PLPP1: variants seen among roughly 807,000 people sequenced by gnomAD.
The protein encoded by PLPP1 is phospholipid phosphatase 1.
PLPP1 carries 24 observed loss-of-function variants against 31.2 expected under a neutral mutation model. That is an observed-to-expected ratio of 0.77 (90% CI 0.56 to 1.08). The LOEUF is 1.08. Among genes scored for constraint, PLPP1 ranks in the 50% least tolerant of loss-of-function variants. The pLI, the probability that PLPP1 is intolerant of heterozygous loss-of-function variation, is 0.00. For synonymous variants in PLPP1, 146 were observed against 126.3 expected (o/e 1.16, Z -1.05); for missense variants, 319 against 342.7 (o/e 0.93, Z 0.55).
chr5:55,491,616 G>A (rs1373629741), intron 1 of PLPP1, among the ~76,000 whole-genome samples: 1 of 152,094 alleles, frequency 6.6e-6, no homozygotes, highest in African/African-American at 2.4e-5. Context: ...CCAGCACTTT[G>A]GGAGGCCAAG....
At chr5:55,491,889 A>G (rs1752900071) in intron 1 of PLPP1, among the ~76,000 whole-genome samples, 1 of 140,474 alleles carries the variant, frequency 7.1e-6, no homozygotes, top group Admixed American at 7.5e-5. Flanking sequence ...AAGAAAAGAA[A>G]GAAAAAGAGA....
intron 1 of PLPP1, among the ~76,000 whole-genome samples, chr5:55,493,501 A>C (rs1752940684): frequency 6.6e-6 from 1 of 152,120 alleles, no homozygotes; most frequent in African/African-American, 2.4e-5. Context: ...CCAGTAACTC[A>C]GGAGGCTGAG....
intron 1 of PLPP1, among the ~76,000 whole-genome samples, chr5:55,512,723 T>TACACACACACACATAC (rs1753463247): frequency 2.3e-5 from 1 of 43,130 alleles, no homozygotes; most frequent in East Asian, 5.1e-4. Context: ...CATTATAAAC[T>TACACACACACACATAC]ACACACACAC....
intron 1 of PLPP1, among the ~76,000 whole-genome samples, chr5:55,523,995 T>C (rs910285456): frequency 2.0e-5 from 3 of 152,236 alleles, no homozygotes; most frequent in African/African-American, 7.2e-5. Flanking sequence ...CTGATCTTTT[T>C]TGCACTGGTA....
chr5:55,498,607 A>G (rs1753052549), intron 1 of PLPP1, among the ~76,000 whole-genome samples: 2 of 152,186 alleles, frequency 1.3e-5, no homozygotes, highest in Non-Finnish European at 2.9e-5. Context: ...CATATAAACA[A>G]TAATCTTATG....
At chr5:55,444,032 G>A (rs1446926130) in intron 3 of PLPP1, among the ~76,000 whole-genome samples, 1 of 151,470 alleles carries the variant, frequency 6.6e-6, no homozygotes, top group African/African-American at 2.4e-5. Flanking sequence ...TTCACAAATA[G>A]ACTAAATATC....
chr5:55,474,006 T>TTGTTTTTG (rs1561237130), intron 2 of PLPP1, among the ~76,000 whole-genome samples: 70 of 79,036 alleles, frequency 8.9e-4, no homozygotes, highest in African/African-American at 3.0e-3. Flanking sequence ...TGTTTTTTTT[T>TTGTTTTTG]TTTTTTTCCA....
At chr5:55,521,251 G>T (rs1421562848) in intron 1 of PLPP1, among the ~76,000 whole-genome samples, 1 of 152,078 alleles carries the variant, frequency 6.6e-6, no homozygotes, top group Non-Finnish European at 1.5e-5. Flanking sequence ...TACTCGGGAG[G>T]CTGAGGCAGG....
chr5:55,442,030 T>A (rs1751632573), intron 3 of PLPP1, 122 bp from the exon 4 acceptor site: 5 of 924,816 alleles, frequency 5.4e-6, no homozygotes, highest in Admixed American at 2.1e-5. Context: ...TTTGAGAAAT[T>A]AGAAGGGTAC....
At chr5:55,441,295 T>C (rs926924524) in intron 4 of PLPP1, among the ~76,000 whole-genome samples, 2 of 152,194 alleles carry the variant, frequency 1.3e-5, no homozygotes, top group African/African-American at 4.8e-5. Context: ...CAGGTTGGCA[T>C]CAGAACTGGA....
At chr5:55,462,899 G>A (rs958499324) in intron 3 of PLPP1, among the ~76,000 whole-genome samples, 5 of 152,028 alleles carry the variant, frequency 3.3e-5, no homozygotes, top group Non-Finnish European at 7.4e-5. Flanking sequence ...CGTGAACCCG[G>A]GAGGCGAAGC....
At chr5:55,473,208 A>T (rs965659483) in intron 2 of PLPP1, among the ~76,000 whole-genome samples, 2 of 152,222 alleles carry the variant, frequency 1.3e-5, no homozygotes, top group African/African-American at 4.8e-5. Flanking sequence ...AGCAGAAAAA[A>T]TTCAGTGTAA....
chr5:55,523,556 AAG>A lies in PLPP1; in HGVS notation c.58+11014_58+11015del, dbSNP rs1367098532. On this transcript the variant is annotated intron_variant, in intron 1 of 5. Transcript: ENST00000307259. The stretch of plus-strand genomic sequence containing the variant: ...ACAGAATGCAGATGACCAAGCTCCT[AAG>A]AGAGTTGTCGAGAGACTGCACTGGC... Among the ~76,000 whole-genome samples the A allele has an allele frequency of 2.0e-5, 3 of 152,292 alleles. No homozygotes were observed. The East Asian group carries it at 5.8e-4, about 29-fold the overall frequency.
In PLPP1 at chr5:55,468,017, G is replaced by A. The variant is rs193068625; in HGVS notation, c.343C>T (p.Leu115=). 29 of 1,614,164 alleles carry A rather than the reference G, an allele frequency of 1.8e-5. No individual in the cohort carries two copies. The Admixed American group carries it at 3.3e-4, about 19-fold the overall frequency. Residue 115 remains leucine (L), a synonymous_variant, in exon 3 of 6, where the codon CTG becomes TTG. Transcript: ENST00000307259. ...FLFGAAASQS[L]TDIAKYSIGR... The stretch of plus-strand genomic sequence containing the variant: ...ATTGAATACTTGGCAATGTCAGTCA[G>A]GGACTGACTAGCAGCTGCACCAAAT...
intron 3 of PLPP1, among the ~76,000 whole-genome samples, chr5:55,452,076 A>G (rs527329446): frequency 5.9e-5 from 9 of 152,188 alleles, no homozygotes; most frequent in Non-Finnish European, 1.0e-4. Flanking sequence ...AGCAAAGAGT[A>G]AACACACTCT....
intron 1 of PLPP1, among the ~76,000 whole-genome samples, chr5:55,523,022 A>G (rs1753705785): frequency 6.6e-6 from 1 of 152,152 alleles, no homozygotes; most frequent in Non-Finnish European, 1.5e-5. Context: ...CAGGCCCAAT[A>G]ATGATTGTTT....
chr5:55,503,177 C>G (rs1056336749), intron 1 of PLPP1, among the ~76,000 whole-genome samples: 2 of 152,204 alleles, frequency 1.3e-5, no homozygotes, highest in Non-Finnish European at 2.9e-5. Flanking sequence ...TCAGGTGAGG[C>G]CCAAAATGCT....
intron 3 of PLPP1, among the ~76,000 whole-genome samples, chr5:55,463,121 G>A (rs1202749363): frequency 6.6e-6 from 1 of 152,104 alleles, no homozygotes; most frequent in African/African-American, 2.4e-5. Flanking sequence ...ATTCCTAAGT[G>A]GGAGTTGAAC....
chr5:55,460,731 A>C (rs1198064030), intron 3 of PLPP1, among the ~76,000 whole-genome samples: 1 of 152,076 alleles, frequency 6.6e-6, no homozygotes, highest in East Asian at 1.9e-4. Context: ...CTGTAGTCCC[A>C]GCTAAGTAGG....
Sources: allele counts gnomAD v4.1 joint callset (sites outside exome capture counted in the v4.1 genomes callset), GRCh38; gene constraint gnomAD v4.1.1; transcripts MANE v1.5; gene names NCBI Gene and HGNC (gene_info 2026-07-23, HGNC 2026-07-21).